Variants in QARS1 observed in about 807,000 individuals in gnomAD.
QARS1 encodes glutaminyl-tRNA synthetase 1.
In QARS1, 79 loss-of-function variants were observed where a neutral mutation model predicts 106.9. The ratio of observed to expected loss-of-function variants is 0.74; its 90% CI spans 0.62 to 0.89. The LOEUF is 0.89. Among genes scored for constraint, QARS1 ranks in the 40% least tolerant of loss-of-function variants. QARS1 has a pLI of 0.00. For missense variants in QARS1, 966 were observed against 997.2 expected, an observed-to-expected ratio of 0.97 and a Z score of 0.42; for synonymous variants, 395 against 367.7, an observed-to-expected ratio of 1.07 and a Z score of -0.85.
intron 5 of QARS1, among the ~76,000 whole-genome samples, chr3:49,103,121 C>T (rs575524095): frequency 6.6e-6 from 1 of 152,254 alleles, no homozygotes; most frequent in Admixed American, 6.5e-5. Flanking sequence ...CCATGTCTGG[C>T]TAATTTTTAA....
At chr3:49,099,897 G>A (rs1478110363) in intron 14 of QARS1, 44 bp from the exon 15 acceptor site, 1 of 1,613,886 alleles carries the variant, frequency 6.2e-7, no homozygotes, top group Non-Finnish European at 8.5e-7. Flanking sequence ...GCCCTACTCT[G>A]CCCTACCCCA....
At position 49,099,431 on chromosome 3, in the gene QARS1, C is replaced by G; in HGVS notation, c.1527G>C (p.Arg509=). The change falls in exon 17 of 24, where the codon CGG becomes CGC. Residue 509 remains arginine, a splice_region_variant and synonymous_variant. Transcript: ENST00000306125. ...ILQLVATGAV[R]DWDDPRLFTL... Reference sequence around the variant, plus strand: ...TAAAGAGCCGTGGGTCATCCCAGTCCCTGTGGATAAGAAGGTGGTGAGAAG... The same window carrying G: ...TAAAGAGCCGTGGGTCATCCCAGTCGCTGTGGATAAGAAGGTGGTGAGAAG... 6.2e-7 allele frequency: 1 copy of G among 1,614,164 alleles called. No individual in the cohort carries two copies. Among genetic ancestry groups the G allele is most frequent in the Non-Finnish European group, 8.5e-7 (1 of 1,180,024 alleles).
rs1390522458 is a variant in QARS1 at position 49,101,657 on chromosome 3, T to C, written c.752A>G (p.Asn251Ser). 2 of 1,613,972 alleles carry C rather than the reference T, an allele frequency of 1.2e-6. No individual in the cohort carries two copies. The highest frequency in any genetic ancestry group is 1.3e-5 in the African/African-American group (1 of 75,022). The change falls in exon 9 of 24, where the codon AAT (asparagine) becomes AGT (serine). Residue 251 changes from asparagine to serine, a missense_variant. Physicochemically the swap from Asn to Ser is conservative, Grantham distance 46. Coordinates refer to ENST00000306125, the MANE Select transcript of QARS1 (RefSeq NM_005051.3). The stretch of plus-strand genomic sequence containing the variant: ...AATCTCCAGGTGCTGCTTTAGTAGA[T>C]TCATGGTGTGTGGAGTGACCACATA... The part of the protein sequence containing the change: ...PGYVVTPHTM[N>S]LLKQHLEITG...
chr3:49,101,687 G>T lies in QARS1; in HGVS notation c.722C>A (p.Pro241Gln). The T allele has an allele frequency of 6.2e-7, 1 of 1,614,080 alleles. No homozygotes were observed. Among genetic ancestry groups the T allele is most frequent in the Non-Finnish European group, 8.5e-7 (1 of 1,180,026 alleles). The change falls in exon 9 of 24, where the codon CCA becomes CAA. Residue 241 changes from proline to glutamine, a missense_variant. Pro to Gln is a moderately conservative substitution (Grantham distance 76). Transcript: ENST00000306125. ...FHKPGENYKT[P>Q]GYVVTPHTMN... ...GGTGTGTGGAGTGACCACATAGCCT[G>T]GGGTCTTGTAGTTCTCACCTGCCAG...
Position 49,102,250 on chromosome 3 carries a change from G to T in QARS1, c.586C>A (p.Leu196Ile), listed in dbSNP as rs1459142351. ...EKKFKVAKAR[L>I]EETDRRTAKD... ...GCCGTCCTCCGGTCTGTTTCTTCTA[G>T]CCGAGCTTTTGCCACCTGAAAGAAG... Residue 196 changes from leucine (L) to isoleucine (I), a missense_variant, in exon 7 of 24, where the codon CTA becomes ATA. Coordinates refer to ENST00000306125, the MANE Select transcript of QARS1 (RefSeq NM_005051.3). The T allele has an allele frequency of 6.2e-7, 1 of 1,614,092 alleles. No homozygotes were observed. Among genetic ancestry groups the T allele is most frequent in the Non-Finnish European group, 8.5e-7 (1 of 1,180,054 alleles).
At chr3:49,096,962 G>A (rs1240536855) in intron 23 of QARS1, 1 of 150,670 alleles carries the variant, frequency 6.6e-6, no homozygotes, top group South Asian at 2.1e-4. Flanking sequence ...TCCAGCCTGG[G>A]CAACAGGGCG....
intron 14 of QARS1, 38 bp downstream of exon 14, chr3:49,099,923 C>T (rs2042445394): frequency 6.2e-7 from 1 of 1,613,848 alleles, no homozygotes; most frequent in Non-Finnish European, 8.5e-7. Flanking sequence ...CATCGCCCTG[C>T]TCGGCAGCCC....
At position 49,098,218 on chromosome 3, in the gene QARS1, C is replaced by T. The variant is rs754059664; in HGVS notation, c.2125G>A (p.Gly709Ser). ...KNPEDPTEVP[G>S]GFLSDLNLAS... ...AGGTTCAGGTCACTTAAAAATCCACCAGGCACCTCAGTAGGATCTTCAGGG... is the reference window on the plus strand; with the variant it reads ...AGGTTCAGGTCACTTAAAAATCCACTAGGCACCTCAGTAGGATCTTCAGGG... Residue 709 changes from glycine to serine, a missense_variant, in exon 22 of 24, where the codon GGT becomes AGT. Transcript: ENST00000306125. 1.2e-6 allele frequency: 2 copies of T among 1,614,178 alleles called. No homozygotes were observed. Among genetic ancestry groups the T allele is most frequent in the Non-Finnish European group, 1.7e-6 (2 of 1,180,020 alleles).
chr3:49,102,189 G>C lies in QARS1; in HGVS notation c.631+16C>G. The C allele has an allele frequency of 1.2e-6, 2 of 1,614,212 alleles. No individual in the cohort carries two copies. Among genetic ancestry groups the C allele is most frequent in the South Asian group, 2.2e-5 (2 of 91,084 alleles). The stretch of plus-strand genomic sequence containing the variant: ...CAGGGAGCTGAATGCTGTGACAGGA[G>C]TCTCAAGCTTCTCACCATTCTCCAC... On this transcript the variant is annotated intron_variant, in intron 7 of 23. Transcript: ENST00000306125.
chr3:49,097,989 C>T lies in QARS1; in HGVS notation c.2277+3G>A, dbSNP rs2042412962. On this transcript the variant is annotated splice_donor_region_variant and intron_variant, in intron 23 of 23. Coordinates refer to ENST00000306125, the MANE Select transcript of QARS1 (RefSeq NM_005051.3). ...ATGAGGGCAGGTGAGTAAAGTCAAG[C>T]ACCTTTCCCTGATGGCTGTCTGGAT... The T allele has an allele frequency of 6.2e-7, 1 of 1,614,106 alleles. No individual in the cohort carries two copies. Among genetic ancestry groups the T allele is most frequent in the South Asian group, 1.1e-5 (1 of 91,072 alleles).
At chr3:49,103,456 TC>T (rs762342436) in intron 4 of QARS1, 47 bp from the exon 5 acceptor site, 17 of 1,604,408 alleles carry the variant, frequency 1.1e-5, no homozygotes, top group East Asian at 2.2e-5. Flanking sequence ...AAAAGAGTAC[TC>T]CCCCCACCTC....
intron 23 of QARS1, 150 bp downstream of exon 23, chr3:49,097,842 T>C: frequency 1.7e-6 from 2 of 1,164,984 alleles, no homozygotes; most frequent in East Asian, 2.4e-5. Context: ...GGAGTTATCC[T>C]CAGTGCCAGT....
chr3:49,096,160 C>A (rs946870295), intron 23 of QARS1, 81 bp from the exon 24 acceptor site: 16 of 1,429,792 alleles, frequency 1.1e-5, no homozygotes, highest in Admixed American at 1.9e-5. Flanking sequence ...ACAGACACCT[C>A]CCCCTAACAT....
At chr3:49,102,514 T>C (rs2042484719) in intron 5 of QARS1, 42 bp from the exon 6 acceptor site, 1 of 1,609,406 alleles carries the variant, frequency 6.2e-7, no homozygotes, top group South Asian at 1.1e-5. Flanking sequence ...GAGTATCCTC[T>C]TTCAAGGAGC....
chr3:49,096,609 C>T (rs1241697335), intron 23 of QARS1, among the ~76,000 whole-genome samples: 1 of 151,658 alleles, frequency 6.6e-6, no homozygotes, highest in African/African-American at 2.4e-5. Flanking sequence ...ACCATCCTGG[C>T]TAACACGGTG....
rs565417207 is a variant in QARS1, at chr3:49,101,907, G to T, written c.632-8C>A. 6 of 1,605,352 alleles carry T rather than the reference G, an allele frequency of 3.7e-6. No homozygotes were observed. The highest frequency in any genetic ancestry group is 1.7e-4 in the Middle Eastern group (1 of 6,020). On this transcript the variant is annotated splice_polypyrimidine_tract_variant and splice_region_variant and intron_variant, in intron 7 of 23. Transcript: ENST00000306125. ...TCTGGTCAGCAGTCTCGCCTGTGGG[G>T]AACAAAACAAGGAAAACTTGTCCTC...
At chr3:49,098,168 T>C (rs1283517011) in intron 22 of QARS1, 24 bp downstream of exon 22, 1 of 1,614,032 alleles carries the variant, frequency 6.2e-7, no homozygotes, top group Non-Finnish European at 8.5e-7. Flanking sequence ...CCTACCTCCC[T>C]CACCCCAAAC....
At chr3:49,100,323 C>T (rs2042452645) in intron 12 of QARS1, 25 bp from the exon 13 acceptor site, 2 of 1,614,104 alleles carry the variant, frequency 1.2e-6, no homozygotes, top group Non-Finnish European at 1.7e-6. Flanking sequence ...TGTGAGTGCC[C>T]AGCATGGCTG....
rs377156007 is a variant in QARS1, at chr3:49,102,239, T to C, written c.597A>G (p.Thr199=). ...CCACATCCTTTGCCGTCCTCCGGTC[T>C]GTTTCTTCTAGCCGAGCTTTTGCCA... is the stretch of plus-strand genomic sequence containing the variant. ...FKVAKARLEE[T]DRRTAKDVVE... is the part of the protein sequence containing the mutation. The change falls in exon 7 of 24, where the codon ACA becomes ACG. Residue 199 remains threonine (T), a synonymous_variant. Transcript: ENST00000306125. 1 of 1,614,246 alleles carries C rather than the reference T, an allele frequency of 6.2e-7. No individual in the cohort carries two copies. Among genetic ancestry groups the C allele is most frequent in the Admixed American group, 1.7e-5 (1 of 60,026 alleles).
Sources: allele counts gnomAD v4.1 joint callset (sites outside exome capture counted in the v4.1 genomes callset), GRCh38; gene constraint gnomAD v4.1.1; transcripts MANE v1.5; gene names NCBI Gene and HGNC (gene_info 2026-07-23, HGNC 2026-07-21).